SPINT1: variants seen among roughly 807,000 people sequenced by gnomAD.
SPINT1 encodes the protein serine peptidase inhibitor, Kunitz type 1.
SPINT1 carries 38 observed loss-of-function variants against 53.7 expected under a neutral mutation model. The observed-to-expected ratio is 0.71, with a 90% confidence interval of 0.55 to 0.93. SPINT1 has a LOEUF of 0.93. Ranked by LOEUF, SPINT1 falls within the 40% of genes least tolerant of loss-of-function variation. SPINT1 has a pLI of 0.00. For missense variants in SPINT1, 645 were observed against 692.9 expected, an observed-to-expected ratio of 0.93 and a Z score of 0.78; for synonymous variants, 283 against 280.6, an observed-to-expected ratio of 1.01 and a Z score of -0.08.
intron 10 of SPINT1, 93 bp from the exon 11 acceptor site, chr15:40,856,677 A>G (rs1338378239): frequency 6.4e-7 from 1 of 1,573,316 alleles, no homozygotes; most frequent in African/African-American, 1.4e-5. Flanking sequence ...CATACCTGGC[A>G]TCCATTTGAC....
At position 40,857,822 on chromosome 15, in the gene SPINT1, G is replaced by A. The variant is rs1487678647; in HGVS notation, c.*847G>A. 2 of 152,388 alleles carry A rather than the reference G, an allele frequency of 1.3e-5. No individual in the cohort carries two copies. Among genetic ancestry groups the A allele is most frequent in the Non-Finnish European group, 2.9e-5 (2 of 68,196 alleles). 9.4% of individuals were successfully genotyped at this position (152,388 alleles called of 1,614,324 possible). On this transcript the variant is annotated 3_prime_UTR_variant, in exon 11 of 11. Coordinates refer to ENST00000562057, the MANE Select transcript of SPINT1 (RefSeq NM_003710.4). The stretch of plus-strand genomic sequence containing the variant: ...GACTTTGGAGAGCAGTGCCATGTTT[G>A]ACCACCAGAGGGGAGGAGTGAGCGG...
At chr15:40,854,568 C>T (rs1478778061) in intron 7 of SPINT1, 46 bp downstream of exon 7, 25 of 1,613,788 alleles carry the variant, frequency 1.5e-5, no homozygotes, top group Non-Finnish European at 2.0e-5. Context: ...ACAGGGAGGT[C>T]CTGACAGCCT....
chr15:40,856,436 A>G, intron 10 of SPINT1, 113 bp downstream of exon 10: 2 of 1,350,382 alleles, frequency 1.5e-6, no homozygotes, highest in Admixed American at 1.8e-5. Context: ...AAGGTGGCCT[A>G]TAGAGACAGA....
rs1004549562 is a variant in SPINT1 at position 40,858,190 on chromosome 15, A to AT, written c.*1215_*1216insT. 2.6e-5 allele frequency: 4 copies of AT among 151,808 alleles called. No homozygotes were observed. The highest frequency in any genetic ancestry group is 9.7e-5 in the African/African-American group (4 of 41,214). The allele number at this position is 151,808 out of a possible 1,614,324, so 9.4% of individuals were successfully genotyped here. The stretch of plus-strand genomic sequence containing the variant: ...CCTCCCGGTGCCAAAAAAAAAAAAA[A>AT]ATCATACTTTGAGCTCATTCGTTCG... On this transcript the variant is annotated 3_prime_UTR_variant, in exon 11 of 11. Transcript: ENST00000562057.
intron 8 of SPINT1, chr15:40,855,656 G>C: frequency 2.3e-6 from 1 of 438,986 alleles, no homozygotes; most frequent in Non-Finnish European, 4.0e-6. Flanking sequence ...AAAGCTGAAA[G>C]AAAATTGAAA....
At position 40,858,206 on chromosome 15, in the gene SPINT1, C is replaced by T. The variant is rs1891715680; in HGVS notation, c.*1231C>T. 1.3e-5 allele frequency: 2 copies of T among 151,806 alleles called. No individual in the cohort carries two copies. The highest frequency in any genetic ancestry group is 4.8e-5 in the African/African-American group (2 of 41,282). 9.4% of individuals were successfully genotyped at this position (151,806 alleles called of 1,614,324 possible). On this transcript the variant is annotated 3_prime_UTR_variant, in exon 11 of 11. Transcript: ENST00000562057. ...AAAAAAAAAAATCATACTTTGAGCT[C>T]ATTCGTTCGTTTATTCAGTGAATTA...
Position 40,854,505 on chromosome 15 carries a change from AG to A in SPINT1, c.1051del (p.Ala351LeufsTer86), listed in dbSNP as rs1891573579. On this transcript the variant is annotated frameshift_variant, in exon 7 of 11. Coordinates refer to ENST00000562057, the MANE Select transcript of SPINT1 (RefSeq NM_003710.4). LOFTEE classifies it high-confidence loss of function. ...CCCAACTGCCCCGACGCCTCCGACG[AG>A]GCTGCCTGTGAAAAATGTGAGGCCT... ...DTPNCPDASD[E>X]AACEKYTSGF... The A allele has an allele frequency of 8.1e-6, 13 of 1,613,412 alleles. No homozygotes were observed. Among genetic ancestry groups the A allele is most frequent in the Non-Finnish European group, 9.3e-6 (11 of 1,179,820 alleles).
Position 40,844,598 on chromosome 15 carries a change from C to A in SPINT1, c.44C>A (p.Ala15Asp). ...RTMARARLAP[A>D]GIPAVALWLL... ...ATGGCCCGCGCCCGCCTCGCCCCGG[C>A]CGGCATCCCTGCCGTCGCCTTGTGG... The change falls in exon 2 of 11, where the codon GCC (alanine) becomes GAC (aspartate). Residue 15 changes from alanine to aspartate, a missense_variant. Coordinates refer to ENST00000562057, the MANE Select transcript of SPINT1 (RefSeq NM_003710.4). This position sits in a 1 kb window ranked among gnomAD's most constrained non-coding sequence, Gnocchi z 5.8. 1 of 1,609,948 alleles carries A rather than the reference C, an allele frequency of 6.2e-7. No individual in the cohort carries two copies. The highest frequency in any genetic ancestry group is 8.5e-7 in the Non-Finnish European group (1 of 1,178,830).
chr15:40,851,222 C>T (rs141573491), intron 2 of SPINT1, among the ~76,000 whole-genome samples: 3 of 151,292 alleles, frequency 2.0e-5, no homozygotes, highest in African/African-American at 4.9e-5. Context: ...GGCACGATCT[C>T]GGCTCACTGC....
At chr15:40,845,825 A>C (rs970795142) in intron 2 of SPINT1, among the ~76,000 whole-genome samples, 5 of 152,234 alleles carry the variant, frequency 3.3e-5, no homozygotes, top group Non-Finnish European at 7.3e-5. Context: ...ATGCCCTGTC[A>C]GGTGAGCCTG....
chr15:40,855,060 A>G (rs1015571938), intron 8 of SPINT1, among the ~76,000 whole-genome samples: 1 of 152,224 alleles, frequency 6.6e-6, no homozygotes, highest in Non-Finnish European at 1.5e-5. Flanking sequence ...ACATTGAAAA[A>G]CAACACAAAT....
At position 40,844,205 on chromosome 15, in the gene SPINT1, C is replaced by G; in HGVS notation, c.-66+19C>G. On this transcript the variant is annotated intron_variant, in intron 1 of 10. Transcript: ENST00000562057. This position sits in a 1 kb window ranked among gnomAD's most constrained non-coding sequence, Gnocchi z 5.8. ...TGCGCAGGTAACCCGGGCCCCCGCG[C>G]GCAAGGCCGAGGCGCAGGCGGAGCG... 1 of 408,860 alleles carries G rather than the reference C, an allele frequency of 2.4e-6. No homozygotes were observed. The highest frequency in any genetic ancestry group is 4.6e-6 in the Non-Finnish European group (1 of 218,708). 25.3% of individuals were successfully genotyped at this position (408,860 alleles called of 1,614,324 possible). A position where few individuals can be genotyped will look rare whatever the true frequency, so the allele number is the denominator to read the frequency against.
Position 40,844,284 on chromosome 15 carries a change from T to C in SPINT1, c.-66+98T>C. 1 of 550,140 alleles carries C rather than the reference T, an allele frequency of 1.8e-6. No homozygotes were observed. The highest frequency in any genetic ancestry group is 3.2e-6 in the Non-Finnish European group (1 of 308,824). 34.1% of individuals were successfully genotyped at this position (550,140 alleles called of 1,614,324 possible). A position where few individuals can be genotyped will look rare whatever the true frequency, so the allele number is the denominator to read the frequency against. Reference sequence around the variant, plus strand: ...GCGCTCGTGCGTGTGTCCGGGTACTTGAGCTCCCTAGCGGTCCGCCTGTCC... The same window carrying C: ...GCGCTCGTGCGTGTGTCCGGGTACTCGAGCTCCCTAGCGGTCCGCCTGTCC... On this transcript the variant is annotated intron_variant, in intron 1 of 10. Transcript: ENST00000562057. This position sits in a 1 kb window ranked among gnomAD's most constrained non-coding sequence, Gnocchi z 5.8.
intron 8 of SPINT1, 118 bp from the exon 9 acceptor site, chr15:40,855,774 A>G: frequency 1.7e-6 from 2 of 1,147,414 alleles, no homozygotes. Flanking sequence ...GGGGCCTCTC[A>G]GGCCCTCCCT....
At chr15:40,845,463 C>T (rs1046389355) in intron 2 of SPINT1, among the ~76,000 whole-genome samples, 4 of 151,616 alleles carry the variant, frequency 2.6e-5, no homozygotes, top group South Asian at 2.1e-4. Context: ...TGAAGCCCTC[C>T]TTAGAAGTAG....
In SPINT1 at chr15:40,854,283, G is replaced by A. The variant is rs1435542911; in HGVS notation, c.941-114G>A. 4 of 1,471,696 alleles carry A rather than the reference G, an allele frequency of 2.7e-6. No homozygotes were observed. In the African/African-American group the frequency reaches 5.6e-5, roughly 21 times the overall value. 91.2% of individuals were successfully genotyped at this position (1,471,696 alleles called of 1,614,324 possible). The stretch of plus-strand genomic sequence containing the variant: ...CCAGTTTGCGTGGGGCAGGAGTGGG[G>A]TTGGTGGAAAGGGAATGGGGGATGT... On this transcript the variant is annotated intron_variant, in intron 6 of 10. Coordinates refer to ENST00000562057, the MANE Select transcript of SPINT1 (RefSeq NM_003710.4).
Position 40,844,521 on chromosome 15 carries a change from C to A in SPINT1, c.-34C>A. ...AGCACCCTCGGAACCCAGAGGCCCG[C>A]GCTCTGAAGGTGACCCCCCTGGGGA... On this transcript the variant is annotated 5_prime_UTR_variant, in exon 2 of 11. Transcript: ENST00000562057. This position sits in a 1 kb window ranked among gnomAD's most constrained non-coding sequence, Gnocchi z 5.8. The A allele has an allele frequency of 1.3e-6, 2 of 1,597,360 alleles. No individual in the cohort carries two copies.
rs371185922 is a variant in SPINT1 at position 40,853,152 on chromosome 15, C to T, written c.504C>T (p.Gly168=). Residue 168 remains glycine, a synonymous_variant, in exon 3 of 11, where the codon GGC becomes GGT. Transcript: ENST00000562057. ...GGSGIPKAWA[G]IDLKVQPQEP... Reference sequence around the variant, plus strand: ...CTGGGATCCCCAAGGCCTGGGCAGGCATAGACTTGAAGGTACAACCCCAGG... The same window carrying T: ...CTGGGATCCCCAAGGCCTGGGCAGGTATAGACTTGAAGGTACAACCCCAGG... 231 of 1,614,154 alleles carry T rather than the reference C, an allele frequency of 1.4e-4. 3 individuals carry two copies. In the South Asian group the frequency reaches 2.1e-3, roughly 15 times the overall value.
At chr15:40,845,130 T>C (rs890090181) in intron 2 of SPINT1, 101 bp downstream of exon 2, 33 of 977,320 alleles carry the variant, frequency 3.4e-5, no homozygotes, top group Non-Finnish European at 4.4e-5. Flanking sequence ...TTAAGGAGAG[T>C]TCACTTTTTT....
Sources: allele counts gnomAD v4.1 joint callset (sites outside exome capture counted in the v4.1 genomes callset), GRCh38; gene constraint gnomAD v4.1.1; non-coding constraint Gnocchi (gnomAD v3.1); transcripts MANE v1.5; gene names NCBI Gene and HGNC (gene_info 2026-07-23, HGNC 2026-07-21).